Variants in ACACA observed in about 807,000 individuals in gnomAD.
ACACA encodes acetyl-CoA carboxylase alpha, also known as acetyl-CoA carboxylase 1.
ACACA carries 103 observed loss-of-function variants against 296.1 expected under a neutral mutation model. That is an observed-to-expected ratio of 0.35 (90% CI 0.30 to 0.41). The LOEUF (loss-of-function observed/expected upper bound fraction) is 0.41, where lower values mean the gene tolerates loss of function less well. Among genes scored for constraint, ACACA ranks in the 10% least tolerant of loss-of-function variants. The pLI, the probability that ACACA is intolerant of heterozygous loss-of-function variation, is 1.00. For missense variants in ACACA, 1,554 were observed against 2,989.7 expected (o/e 0.52, Z 11.20); for synonymous variants, 953 against 1,038.6 (o/e 0.92, Z 1.58).
chr17:37,311,884 A>AAG (rs901908638), intron 3 of ACACA, among the ~76,000 whole-genome samples: 1 of 151,678 alleles, frequency 6.6e-6, no homozygotes, highest in African/African-American at 2.4e-5. Context: ...AAAAAAAAAA[A>AAG]AAGAAGAAGA....
At chr17:37,298,293 G>A (rs2083452452) in intron 3 of ACACA, among the ~76,000 whole-genome samples, 1 of 152,270 alleles carries the variant, frequency 6.6e-6, no homozygotes, top group Middle Eastern at 3.4e-3. Flanking sequence ...CCAACTCAGT[G>A]TTTTTTGTTT....
chr17:37,340,183 G>A lies in ACACA; in HGVS notation c.39-333C>T, dbSNP rs558201739. On this transcript the variant is annotated intron_variant, in intron 1 of 55. Coordinates refer to ENST00000616317, the MANE Select transcript of ACACA (RefSeq NM_198834.3). ...ATTTCATCAAAAAAGAGGCAGTGGG[G>A]AGAAGAGAACCACTAGATTCTCTAC... Among the ~76,000 whole-genome samples, 8 of 152,296 alleles carry A rather than the reference G, an allele frequency of 5.3e-5. No individual in the cohort carries two copies. In the South Asian group the frequency reaches 1.7e-3, roughly 32 times the overall value.
At chr17:37,272,123 C>A (rs1294780416) in intron 9 of ACACA, among the ~76,000 whole-genome samples, 1 of 152,128 alleles carries the variant, frequency 6.6e-6, no homozygotes, top group East Asian at 1.9e-4. Flanking sequence ...GTGGGTGGAT[C>A]ACTTGAGGTC....
intron 41 of ACACA, among the ~76,000 whole-genome samples, chr17:37,178,140 G>A (rs1281148005): frequency 6.6e-6 from 1 of 152,006 alleles, no homozygotes; most frequent in East Asian, 1.9e-4. Context: ...GTTTGTTACT[G>A]GTATTATCAT....
intron 45 of ACACA, chr17:37,140,596 T>C (rs761391097): frequency 3.8e-5 from 6 of 157,398 alleles, no homozygotes; most frequent in Admixed American, 3.2e-4. Flanking sequence ...TTATTTTTCT[T>C]ATGTAAAAAC....
intron 2 of ACACA, among the ~76,000 whole-genome samples, chr17:37,339,216 C>T (rs2147315450): frequency 6.6e-6 from 1 of 152,368 alleles, no homozygotes; most frequent in Admixed American, 6.5e-5. Flanking sequence ...GCAAGGCACT[C>T]AGGTGCAGAT....
In ACACA at chr17:37,121,231, C is replaced by T. The variant is rs532813679; in HGVS notation, c.6274+124G>A. ...AACTCAAAAGATGTCTCAGAGAGGG[C>T]AGAATCCCCAAAAAGCCTAGGCTAT... On this transcript the variant is annotated intron_variant, in intron 50 of 55. Coordinates refer to ENST00000616317, the MANE Select transcript of ACACA (RefSeq NM_198834.3). 6 of 1,293,784 alleles carry T rather than the reference C, an allele frequency of 4.6e-6. No homozygotes were observed. The African/African-American group carries it at 5.8e-5, about 13-fold the overall frequency. The allele number at this position is 1,293,784 out of a possible 1,614,324, so 80.1% of individuals were successfully genotyped here.
At chr17:37,221,702 G>A (rs2079301645) in intron 29 of ACACA, 22 bp downstream of exon 29, 1 of 1,573,110 alleles carries the variant, frequency 6.4e-7, no homozygotes, top group South Asian at 1.1e-5. Context: ...TGGCTCGGGT[G>A]CACATACCAC....
At chr17:37,406,236 C>T in intron 1 of ACACA, 26 bp downstream of exon 1, 3 of 1,612,068 alleles carry the variant, frequency 1.9e-6, no homozygotes, top group South Asian at 2.2e-5. Context: ...TCATTAACAG[C>T]AGTAATAAGA....
chr17:37,393,830 AAAG>A (rs2050981528), intron 1 of ACACA, among the ~76,000 whole-genome samples: 2 of 152,110 alleles, frequency 1.3e-5, no homozygotes, highest in African/African-American at 4.8e-5. Flanking sequence ...AAAAAAAAAA[AAAG>A]AGTATAATTT....
At position 37,315,607 on chromosome 17, in the gene ACACA, T is replaced by C. The variant is rs2047051977; in HGVS notation, c.338+14566A>G. On this transcript the variant is annotated intron_variant, in intron 3 of 55. Coordinates refer to ENST00000616317, the MANE Select transcript of ACACA (RefSeq NM_198834.3). ...CCCATGACCCCTTCCTCGTGTTTGA[T>C]AATTTGCTAGAATGACATACAGAAC... 2.6e-5 allele frequency among the ~76,000 whole-genome samples: 4 copies of C among 152,168 alleles called. No individual in the cohort carries two copies. The South Asian group carries it at 8.3e-4, about 31-fold the overall frequency.
At chr17:37,168,320 T>A (rs1341689478) in intron 41 of ACACA, among the ~76,000 whole-genome samples, 1 of 152,176 alleles carries the variant, frequency 6.6e-6, no homozygotes, top group Non-Finnish European at 1.5e-5. Flanking sequence ...GAGGTGATAA[T>A]TATTGGGATG....
At chr17:37,337,244 C>T (rs575570081) in intron 2 of ACACA, among the ~76,000 whole-genome samples, 60 of 151,690 alleles carry the variant, frequency 4.0e-4, no homozygotes, top group Non-Finnish European at 7.2e-4. Context: ...GAGATCCCAT[C>T]CCTAAAAAAA....
At chr17:37,252,221 C>A in intron 15 of ACACA, 113 bp from the exon 16 acceptor site, 2 of 826,598 alleles carry the variant, frequency 2.4e-6, no homozygotes, top group East Asian at 5.2e-5. Flanking sequence ...ATGAAAATCT[C>A]CATTCTCACT....
chr17:37,279,485 T>A (rs1367207191), intron 5 of ACACA, among the ~76,000 whole-genome samples: 1 of 151,800 alleles, frequency 6.6e-6, no homozygotes, highest in African/African-American at 2.4e-5. Flanking sequence ...ATACAAAAAA[T>A]TAGCCGGGGA....
rs758156281 is a variant in ACACA at position 37,207,744 on chromosome 17, C to T, written c.3764G>A (p.Ser1255Asn). ...GAATGAGTTGTCCAACAGTACATCG[C>T]TGACACTAGCTACATGGGTCATGCC... Reference protein sequence around the residue: ...HYGMTHVASVSDVLLDNSFTP... With the variant: ...HYGMTHVASVNDVLLDNSFTP... The change falls in exon 31 of 56, where the codon AGC becomes AAC. Residue 1255 changes from serine (S) to asparagine (N), a missense_variant. This residue lies in a region of ACACA where 179 missense variants were observed against 283.2 expected (regional missense o/e 0.63). Transcript: ENST00000616317. The T allele has an allele frequency of 3.7e-6, 6 of 1,613,858 alleles. No individual in the cohort carries two copies. The highest frequency in any genetic ancestry group is 2.2e-5 in the East Asian group (1 of 44,892).
intron 10 of ACACA, among the ~76,000 whole-genome samples, chr17:37,266,392 C>T (rs1000954946): frequency 7.6e-5 from 11 of 145,344 alleles, no homozygotes; most frequent in South Asian, 2.2e-4. Context: ...CCAGCCTGGG[C>T]GACAGAGTGA....
rs752247271 is a variant in ACACA at position 37,111,538 on chromosome 17, C to T, written c.6558G>A (p.Glu2186=). The change falls in exon 52 of 56, where the codon GAG becomes GAA. Residue 2186 remains glutamate, a synonymous_variant. Coordinates refer to ENST00000616317, the MANE Select transcript of ACACA (RefSeq NM_198834.3). ...RVDPVYIHLA[E]RLGTPELSTA... ...AAGGACAAGCAGACATACCCAATCG[C>T]TCAGCCAAGTGGATGTAGACTGGGT... is the stretch of plus-strand genomic sequence containing the variant. The T allele has an allele frequency of 1.9e-6, 3 of 1,613,324 alleles. 1 individual carries two copies. The highest frequency in any genetic ancestry group is 2.2e-5 in the South Asian group (2 of 91,086).
At chr17:37,349,170 C>G (rs182588514) in intron 1 of ACACA, among the ~76,000 whole-genome samples, 19 of 150,076 alleles carry the variant, frequency 1.3e-4, no homozygotes, top group Non-Finnish European at 2.5e-4. Context: ...AAGCAATTAT[C>G]GTGCCTCAGC....
Sources: gnomAD v4.1 joint callset for allele counts (sites outside exome capture counted in the v4.1 genomes callset) on GRCh38, gnomAD v4.1.1 for gene constraint, gnomAD v4.1.1 regional missense constraint, MANE v1.5 for transcripts, NCBI Gene and HGNC (gene_info 2026-07-23, HGNC 2026-07-21) for gene names.